ZMIZ1: variants seen among roughly 807,000 people sequenced by gnomAD.
ZMIZ1 encodes zinc finger MIZ domain-containing protein 1.
Under a neutral mutation model 113.9 loss-of-function variants are expected in ZMIZ1, and 17 were observed. That is an observed-to-expected ratio of 0.15 (90% confidence interval 0.10 to 0.22). The LOEUF (loss-of-function observed/expected upper bound fraction) is 0.22. Ranked by LOEUF, ZMIZ1 falls within the 10% of genes least tolerant of loss-of-function variation. The probability of loss-of-function intolerance (pLI) is 1.00; values close to 1 mark genes in which losing one functional copy is unlikely to be tolerated. For synonymous variants in ZMIZ1, 607 were observed against 603.1 expected (o/e 1.01, Z -0.09); for missense variants, 1,059 against 1,477.8 (o/e 0.72, Z 4.65).
intron 2 of ZMIZ1, among the ~76,000 whole-genome samples, 164 bp downstream of exon 2, chr10:79,119,188 C>T (rs1256912658): frequency 6.6e-6 from 1 of 152,218 alleles, no homozygotes; most frequent in African/African-American, 2.4e-5. Context: ...GCCTTTTCCT[C>T]TCAAAGAAAG....
intron 1 of ZMIZ1, among the ~76,000 whole-genome samples, chr10:79,085,048 G>A (rs1842765560): frequency 6.6e-6 from 1 of 152,140 alleles, no homozygotes; most frequent in South Asian, 2.1e-4. Context: ...CCGCATTCTG[G>A]TGCCGTGCCA....
intron 4 of ZMIZ1, among the ~76,000 whole-genome samples, chr10:79,162,702 G>T (rs986447781): frequency 2.0e-5 from 3 of 152,100 alleles, no homozygotes; most frequent in African/African-American, 7.2e-5. Context: ...GCAGTGAGGA[G>T]ACTACACACC....
chr10:79,188,208 A>C (rs779446842), intron 4 of ZMIZ1, among the ~76,000 whole-genome samples: 1 of 152,232 alleles, frequency 6.6e-6, no homozygotes, highest in Non-Finnish European at 1.5e-5. Context: ...CTAGGGCCTC[A>C]GGTAGAGAAT....
At chr10:79,242,593 C>T (rs1253254707) in intron 7 of ZMIZ1, among the ~76,000 whole-genome samples, 1 of 146,586 alleles carries the variant, frequency 6.8e-6, no homozygotes. Flanking sequence ...TCCAGTTCAG[C>T]TCCCTCCTCC....
At position 79,312,947 on chromosome 10, in the gene ZMIZ1, G is replaced by A; in HGVS notation, c.*198G>A. ...TGCACCAGTGCACCAGGAAGGCTGT[G>A]TGGGTCTGGAGCCCACGTCCCACCT... On this transcript the variant is annotated 3_prime_UTR_variant, in exon 25 of 25. Transcript: ENST00000334512. 1 of 593,046 alleles carries A rather than the reference G, an allele frequency of 1.7e-6. No homozygotes were observed. The allele number at this position is 593,046 out of a possible 1,614,324, so 36.7% of individuals were successfully genotyped here. A position where few individuals can be genotyped will look rare whatever the true frequency, so the allele number is the denominator to read the frequency against.
chr10:79,117,161 T>C (rs989337217), intron 1 of ZMIZ1, among the ~76,000 whole-genome samples: 28 of 152,232 alleles, frequency 1.8e-4, no homozygotes, highest in Admixed American at 1.7e-3. Flanking sequence ...AGGCCAGAAA[T>C]GGCAGGACCT....
intron 1 of ZMIZ1, among the ~76,000 whole-genome samples, chr10:79,108,401 A>C (rs542467996): frequency 6.6e-6 from 1 of 151,964 alleles, no homozygotes; most frequent in Non-Finnish European, 1.5e-5. Context: ...TGGACTGTTC[A>C]CCCCACCCAC....
chr10:79,178,512 G>C (rs773546012), intron 4 of ZMIZ1, among the ~76,000 whole-genome samples: 1 of 152,166 alleles, frequency 6.6e-6, no homozygotes, highest in Admixed American at 6.5e-5. Flanking sequence ...GCTGGGCGGG[G>C]GTGAAGGAGG....
chr10:79,073,989 T>C (rs1842387243), intron 1 of ZMIZ1, among the ~76,000 whole-genome samples: 1 of 152,144 alleles, frequency 6.6e-6, no homozygotes, highest in Non-Finnish European at 1.5e-5. Flanking sequence ...TCCAAATAAA[T>C]AATTAACCGC....
chr10:79,204,895 A>G (rs1466710800), intron 5 of ZMIZ1, among the ~76,000 whole-genome samples: 2 of 152,172 alleles, frequency 1.3e-5, no homozygotes, highest in East Asian at 1.9e-4. Context: ...GAAGGGATGG[A>G]TGAGTGGTGG....
chr10:79,297,803 G>A, intron 14 of ZMIZ1, 113 bp downstream of exon 14: 1 of 887,204 alleles, frequency 1.1e-6, no homozygotes, highest in Non-Finnish European at 1.8e-6. Flanking sequence ...CATGGGTGGG[G>A]GTGCACTCCC....
intron 3 of ZMIZ1, among the ~76,000 whole-genome samples, chr10:79,145,114 CTCTG>C (rs763539495): frequency 2.3e-4 from 35 of 152,166 alleles, no homozygotes; most frequent in Admixed American, 3.9e-4. Flanking sequence ...CCCCCTCCCC[CTCTG>C]TCTGTGTCTT....
chr10:79,242,299 C>T (rs1486664141), intron 7 of ZMIZ1, among the ~76,000 whole-genome samples: 1 of 152,076 alleles, frequency 6.6e-6, no homozygotes, highest in Non-Finnish European at 1.5e-5. Flanking sequence ...CAGGGCCGCG[C>T]GCAGCCGCCC....
intron 4 of ZMIZ1, among the ~76,000 whole-genome samples, chr10:79,189,127 C>T (rs995949821): frequency 6.6e-6 from 1 of 152,198 alleles, no homozygotes; most frequent in Non-Finnish European, 1.5e-5. Flanking sequence ...AAAGCTCCTT[C>T]CCTAATCCAT....
intron 8 of ZMIZ1, among the ~76,000 whole-genome samples, chr10:79,279,256 C>G (rs960577197): frequency 2.0e-5 from 3 of 151,164 alleles, no homozygotes; most frequent in Non-Finnish European, 4.4e-5. Flanking sequence ...ACTGGGCGGC[C>G]GGTCAGAGAC....
Position 79,190,790 on chromosome 10 carries a change from G to T in ZMIZ1, c.-49-10794G>T, listed in dbSNP as rs565160868. Among the ~76,000 whole-genome samples the T allele has an allele frequency of 2.0e-5, 3 of 152,124 alleles. No homozygotes were observed. The South Asian group carries it at 6.2e-4, about 31-fold the overall frequency. The stretch of plus-strand genomic sequence containing the variant: ...CTGTGATATAAGGTTGCTTGAAATA[G>T]GCCCACCCATCCATAGAGGCTCTTA... On this transcript the variant is annotated intron_variant, in intron 4 of 24. Transcript: ENST00000334512.
At chr10:79,193,667 G>A (rs949055958) in intron 4 of ZMIZ1, among the ~76,000 whole-genome samples, 5 of 152,130 alleles carry the variant, frequency 3.3e-5, no homozygotes, top group African/African-American at 1.2e-4. Flanking sequence ...CTACGATGGG[G>A]GTGTGTGACA....
At chr10:79,301,766 G>A (rs1476687185) in intron 17 of ZMIZ1, among the ~76,000 whole-genome samples, 1 of 152,174 alleles carries the variant, frequency 6.6e-6, no homozygotes, top group Non-Finnish European at 1.5e-5. Context: ...TCCTGGAGGA[G>A]TGAAGGGAGG....
intron 4 of ZMIZ1, among the ~76,000 whole-genome samples, chr10:79,165,423 AGAGG>A (rs1181885456): frequency 6.6e-6 from 1 of 152,156 alleles, no homozygotes; most frequent in East Asian, 1.9e-4. Flanking sequence ...CAGAGCTTCC[AGAGG>A]GAGGGAGGGA....
Sources: gnomAD v4.1 joint callset for allele counts (sites outside exome capture counted in the v4.1 genomes callset) on GRCh38, gnomAD v4.1.1 for gene constraint, MANE v1.5 for transcripts, NCBI Gene and HGNC (gene_info 2026-07-23, HGNC 2026-07-21) for gene names.